The following PCNT variants were observed in gnomAD, a reference collection of about 807,000 sequenced individuals.
The protein encoded by PCNT is kendrin.
PCNT carries 319 observed loss-of-function variants against 380.4 expected under a neutral mutation model. That is an observed-to-expected ratio of 0.84 (90% CI 0.77 to 0.92). The LOEUF (loss-of-function observed/expected upper bound fraction) is 0.92, where lower values mean the gene tolerates loss of function less well. PCNT is among the 40% of genes least tolerant of loss of function. The pLI is 0.00. For synonymous variants in PCNT, 1,845 were observed against 1,735.2 expected, an observed-to-expected ratio of 1.06 and a Z score of -1.57; for missense variants, 4,400 against 4,255.3, an observed-to-expected ratio of 1.03 and a Z score of -0.95.
At position 46,401,642 on chromosome 21, in the gene PCNT, C is replaced by T; in HGVS notation, c.4883C>T (p.Pro1628Leu). The T allele has an allele frequency of 6.2e-7, 1 of 1,614,020 alleles. No homozygotes were observed. The highest frequency in any genetic ancestry group is 8.5e-7 in the Non-Finnish European group (1 of 1,179,958). Residue 1628 changes from proline (P) to leucine (L), a missense_variant, in exon 26 of 47, where the codon CCT (proline) becomes CTT (leucine). Transcript: ENST00000359568. Reference sequence around the variant, plus strand: ...CTAGATGCAGGCAGATGTCCCGAGCCTCCTTCGGGCAGCCCTCCTGAGGGT... The same window carrying T: ...CTAGATGCAGGCAGATGTCCCGAGCTTCCTTCGGGCAGCCCTCCTGAGGGT... ...STLDAGRCPEPPSGSPPEGPE... is the reference protein window; with the variant it reads ...STLDAGRCPELPSGSPPEGPE...
chr21:46,412,333 A>T (rs1466948184), intron 28 of PCNT, among the ~76,000 whole-genome samples: 1 of 152,184 alleles, frequency 6.6e-6, no homozygotes, highest in Admixed American at 6.5e-5. Context: ...TTTCTTTCAC[A>T]TAATAGGGAC....
At position 46,432,813 on chromosome 21, in the gene PCNT, G is replaced by A. The variant is rs181528258; in HGVS notation, c.8751+598G>A. Among the ~76,000 whole-genome samples the A allele has an allele frequency of 1.8e-3, 270 of 152,120 alleles. 1 individual carries two copies. The highest frequency in any genetic ancestry group is 6.1e-3 in the African/African-American group (253 of 41,504). ...CTAATTTTTGGATTAGTAGAGACAG[G>A]GTTTTCCATGTTGGCCAGGCTGGTC... is the stretch of plus-strand genomic sequence containing the variant. On this transcript the variant is annotated intron_variant, in intron 38 of 46. Transcript: ENST00000359568.
intron 2 of PCNT, among the ~76,000 whole-genome samples, chr21:46,328,549 C>T (rs1441785186): frequency 6.6e-6 from 1 of 152,172 alleles, no homozygotes; most frequent in Non-Finnish European, 1.5e-5. Flanking sequence ...TAACCTCTGC[C>T]TCCTGGGTTC....
At chr21:46,427,860 G>A in intron 34 of PCNT, 65 bp downstream of exon 34, 1 of 1,538,678 alleles carries the variant, frequency 6.5e-7, no homozygotes, top group South Asian at 1.1e-5. Flanking sequence ...CAGAGAGGGT[G>A]ACACAGACTG....
Position 46,388,772 on chromosome 21 carries a change from G to T in PCNT, c.3495G>T (p.Leu1165=). ...CCCTCCAGGACGCCCTGCGCAGGCT[G>T]CTGGGTTTGTTTGGAGAGACGCTGA... ...RGALQDALRR[L]LGLFGETLRA... Residue 1165 remains leucine, a synonymous_variant, in exon 18 of 47, where the codon CTG becomes CTT. Transcript: ENST00000359568. The surrounding 1 kb of genome is among the most constrained non-coding windows in gnomAD (Gnocchi z 4.2). 2 of 1,613,846 alleles carry T rather than the reference G, an allele frequency of 1.2e-6. No homozygotes were observed. The highest frequency in any genetic ancestry group is 1.1e-5 in the South Asian group (1 of 91,074).
In PCNT at chr21:46,401,543, T is replaced by C; in HGVS notation, c.4792-8T>C. On this transcript the variant is annotated splice_polypyrimidine_tract_variant and splice_region_variant and intron_variant, in intron 25 of 46. Transcript: ENST00000359568. The stretch of plus-strand genomic sequence containing the variant: ...TTGCCTAAAATAGAGTTCTTTTTTT[T>C]TTAATAGGATAAAGAGGTGTTAAAG... 2 of 1,612,058 alleles carry C rather than the reference T, an allele frequency of 1.2e-6. No homozygotes were observed.
chr21:46,324,940 C>T (rs1001512363), intron 1 of PCNT: 5 of 984,860 alleles, frequency 5.1e-6, no homozygotes, highest in African/African-American at 1.7e-5. Context: ...CGGCCGCCGT[C>T]TTCTTCCCGC....
chr21:46,381,934 C>T, intron 16 of PCNT, 94 bp downstream of exon 16: 1 of 1,330,356 alleles, frequency 7.5e-7, no homozygotes, highest in Non-Finnish European at 1.1e-6. Flanking sequence ...GGCAGGAGTG[C>T]ACTCATGGTG....
chr21:46,415,920 A>G (rs1050321789), intron 29 of PCNT, 149 bp from the exon 30 acceptor site: 20 of 717,984 alleles, frequency 2.8e-5, no homozygotes, highest in Non-Finnish European at 4.3e-5. Flanking sequence ...TGTTTCTCAT[A>G]GAATTAAATA....
chr21:46,370,215 G>T (rs1226626303), intron 15 of PCNT, among the ~76,000 whole-genome samples: 2 of 149,806 alleles, frequency 1.3e-5, no homozygotes, highest in Non-Finnish European at 2.9e-5. Flanking sequence ...AGCTGCAGGG[G>T]TGGGCATCCG....
In PCNT at chr21:46,338,781, T is replaced by C. The variant is rs143408078; in HGVS notation, c.639+4013T>C. Among the ~76,000 whole-genome samples, 602 of 151,248 alleles carry C rather than the reference T, an allele frequency of 4.0e-3. 2 individuals carry two copies. Among genetic ancestry groups the C allele is most frequent in the Admixed American group, 5.3e-3 (80 of 15,162 alleles). ...CCACCATGCCTGGCTAATTTTTGTA[T>C]TTATTTATTTATTTATTTTGAGACA... On this transcript the variant is annotated intron_variant, in intron 3 of 46. Transcript: ENST00000359568.
rs553148466 is a variant in PCNT, at chr21:46,372,234, AGCACAT to A, written c.3165+5102_3165+5107del. Among the ~76,000 whole-genome samples, 197 of 151,872 alleles carry A rather than the reference AGCACAT, an allele frequency of 1.3e-3. 1 individual carries two copies. Among genetic ancestry groups the A allele is most frequent in the African/African-American group, 4.6e-3 (189 of 41,460 alleles). ...ATGCACACAGCACATGTGCACACAC[AGCACAT>A]GCACATACACAGCACATGTGCACGT... On this transcript the variant is annotated intron_variant, in intron 15 of 46. Transcript: ENST00000359568.
At chr21:46,424,722 C>T (rs1436138373) in intron 32 of PCNT, among the ~76,000 whole-genome samples, 1 of 147,098 alleles carries the variant, frequency 6.8e-6, no homozygotes, top group South Asian at 2.3e-4. Flanking sequence ...GCGCCCCCCC[C>T]AACCCTGCTC....
At position 46,367,116 on chromosome 21, in the gene PCNT, C is replaced by G. The variant is rs776622973; in HGVS notation, c.3142C>G (p.His1048Asp). The change falls in exon 15 of 47, where the codon CAC (histidine) becomes GAC (aspartate). Residue 1048 changes from histidine to aspartate, a missense_variant. Transcript: ENST00000359568. The stretch of plus-strand genomic sequence containing the variant: ...CACAGAGCTCGCCGGAACCGTGGCT[C>G]ACGAGCTGCAGGGAGTGCACCAGGT... ...VSTELAGTVA[H>D]ELQGVHQGEF... 7 of 1,613,162 alleles carry G rather than the reference C, an allele frequency of 4.3e-6. No individual in the cohort carries two copies. Among genetic ancestry groups the G allele is most frequent in the South Asian group, 2.2e-5 (2 of 91,070 alleles).
At chr21:46,345,731 G>GCCA (rs2084044976) in intron 3 of PCNT, among the ~76,000 whole-genome samples, 1 of 152,302 alleles carries the variant, frequency 6.6e-6, no homozygotes, top group African/African-American at 2.4e-5. Flanking sequence ...GCTCGCGGCA[G>GCCA]CCACCCCGCT....
chr21:46,428,293 G>A (rs912981239), intron 34 of PCNT, 102 bp from the exon 35 acceptor site: 20 of 1,053,394 alleles, frequency 1.9e-5, no homozygotes, highest in South Asian at 2.7e-5. Flanking sequence ...AGACTCAGCA[G>A]GCTTGTCCCG....
chr21:46,384,581 G>T (rs1360270502), intron 16 of PCNT, among the ~76,000 whole-genome samples: 1 of 147,672 alleles, frequency 6.8e-6, no homozygotes, highest in Non-Finnish European at 1.5e-5. Flanking sequence ...TTCAGTGGTG[G>T]AAGCCCATTC....
chr21:46,353,196 G>C lies in PCNT; in HGVS notation c.1549G>C (p.Glu517Gln). 6.2e-7 allele frequency: 1 copy of C among 1,614,144 alleles called. No individual in the cohort carries two copies. Among genetic ancestry groups the C allele is most frequent in the East Asian group, 2.2e-5 (1 of 44,894 alleles). ...REKTQHESEL[E>Q]QLRIYFEKKL... is the part of the protein sequence containing the mutation. Reference sequence around the variant, plus strand: ...AAAAACCCAGCATGAGTCCGAACTGGAGCAACTGAGGATTTATTTTGAAAA... The same window carrying C: ...AAAAACCCAGCATGAGTCCGAACTGCAGCAACTGAGGATTTATTTTGAAAA... The change falls in exon 10 of 47, where the codon GAG becomes CAG. Residue 517 changes from glutamate (E) to glutamine (Q), a missense_variant. Coordinates refer to ENST00000359568, the MANE Select transcript of PCNT (RefSeq NM_006031.6).
intron 15 of PCNT, among the ~76,000 whole-genome samples, chr21:46,375,292 G>C (rs1339488294): frequency 1.3e-5 from 2 of 152,070 alleles, no homozygotes; most frequent in Non-Finnish European, 2.9e-5. Context: ...CTATTCATAG[G>C]TTAATTATTT....
Sources: allele counts gnomAD v4.1 joint callset (sites outside exome capture counted in the v4.1 genomes callset), GRCh38; gene constraint gnomAD v4.1.1; non-coding constraint Gnocchi (gnomAD v3.1); transcripts MANE v1.5; gene names NCBI Gene and HGNC (gene_info 2026-07-23, HGNC 2026-07-21).